Variants in PRUNE2 observed in about 807,000 individuals in gnomAD.
PRUNE2 encodes the protein prune homolog 2 with BCH domain.
A neutral mutation model predicts 252.0 loss-of-function variants in PRUNE2; 164 were observed. The ratio of observed to expected loss-of-function variants is 0.65; its 90% confidence interval spans 0.57 to 0.74. The LOEUF (loss-of-function observed/expected upper bound fraction) is 0.74. Ranked by LOEUF, PRUNE2 falls within the 30% of genes least tolerant of loss-of-function variation. PRUNE2 has a pLI of 0.00. For missense variants in PRUNE2, 3,495 were observed against 3,711.0 expected, an observed-to-expected ratio of 0.94 and a Z score of 1.51; for synonymous variants, 1,292 against 1,350.2, an observed-to-expected ratio of 0.96 and a Z score of 0.94.
At chr9:76,658,777 T>A (rs1850178330) in intron 9 of PRUNE2, among the ~76,000 whole-genome samples, 1 of 152,228 alleles carries the variant, frequency 6.6e-6, no homozygotes. Flanking sequence ...ATCTAGAGGA[T>A]GTATTAAAAC....
chr9:76,752,085 GT>G lies in PRUNE2; in HGVS notation c.757-38365del, dbSNP rs1228094533. Among the ~76,000 whole-genome samples, 7 of 73,332 alleles carry G rather than the reference GT, an allele frequency of 9.5e-5. No individual in the cohort carries two copies. The South Asian group carries it at 2.5e-3, about 26-fold the overall frequency. The allele number at this position is 73,332 out of a possible 152,430, so 48.1% of individuals were successfully genotyped here. A position where few individuals can be genotyped will look rare whatever the true frequency, so the allele number is the denominator to read the frequency against. ...TAGATCAACGACTGACTCAATTCCT[GT>G]TTTTTTTTTGGTTTTTTTTTTTTTT... On this transcript the variant is annotated intron_variant, in intron 6 of 18. Transcript: ENST00000376718.
At chr9:76,818,201 G>C (rs751611636) in intron 6 of PRUNE2, among the ~76,000 whole-genome samples, 1 of 152,010 alleles carries the variant, frequency 6.6e-6, no homozygotes, top group Non-Finnish European at 1.5e-5. Context: ...TACTCTACAG[G>C]TACTTTCATC....
At chr9:76,675,508 G>A (rs1375191361) in intron 9 of PRUNE2, among the ~76,000 whole-genome samples, 2 of 49,748 alleles carry the variant, frequency 4.0e-5, no homozygotes, top group Non-Finnish European at 1.1e-4. Flanking sequence ...TCAGTGTGGC[G>A]ATTCCTCAGG....
intron 6 of PRUNE2, among the ~76,000 whole-genome samples, chr9:76,745,527 T>C (rs988619699): frequency 2.1e-5 from 3 of 144,428 alleles, no homozygotes; most frequent in African/African-American, 8.2e-5. Context: ...CACTCATAAG[T>C]GACTCAGCAT....
intron 11 of PRUNE2, among the ~76,000 whole-genome samples, chr9:76,649,220 C>A (rs1264914662): frequency 6.6e-6 from 1 of 152,158 alleles, no homozygotes; most frequent in African/African-American, 2.4e-5. Context: ...ATGAGAATGA[C>A]CAATGCCACT....
At chr9:76,840,697 T>C (rs542369034) in intron 4 of PRUNE2, among the ~76,000 whole-genome samples, 1 of 152,294 alleles carries the variant, frequency 6.6e-6, no homozygotes. Flanking sequence ...AAATTTGTTC[T>C]AGGCTGGGAG....
At chr9:76,875,636 T>G (rs1342405813) in intron 1 of PRUNE2, among the ~76,000 whole-genome samples, 2 of 152,148 alleles carry the variant, frequency 1.3e-5, no homozygotes, top group Non-Finnish European at 1.5e-5. Context: ...AGTGCTGGGA[T>G]TACAACTGTG....
In PRUNE2 at chr9:76,719,097, T is replaced by C. The variant is rs114534632; in HGVS notation, c.757-5376A>G. ...GTCTCTCAGTAATGTAGTCTCCACA[T>C]AGCATCAAGGGGCAGCTTTATTTTA... On this transcript the variant is annotated intron_variant, in intron 6 of 18. Transcript: ENST00000376718. 5.8e-3 allele frequency among the ~76,000 whole-genome samples: 883 copies of C among 152,270 alleles called. 9 individuals carry two copies. The highest frequency in any genetic ancestry group is 0.02 in the African/African-American group (848 of 41,542).
intron 1 of PRUNE2, among the ~76,000 whole-genome samples, chr9:76,881,692 G>A (rs1713367295): frequency 6.6e-6 from 1 of 151,228 alleles, no homozygotes; most frequent in Admixed American, 6.6e-5. Context: ...CACGATCTTG[G>A]CTCACTGCAA....
Position 76,705,815 on chromosome 9 carries a change from A to G in PRUNE2, c.6459T>C (p.Phe2153=). The change falls in exon 8 of 19, where the codon TTT becomes TTC. Residue 2153 remains phenylalanine, a synonymous_variant. Transcript: ENST00000376718. The stretch of plus-strand genomic sequence containing the variant: ...AATCGAGTTCTGCATTGGATGGGAC[A>G]AACTCCCGTCCAGGCTCATAAATGG... ...EEPIYEPGRE[F]VPSNAELDSE... The G allele has an allele frequency of 6.2e-7, 1 of 1,613,718 alleles. No individual in the cohort carries two copies.
chr9:76,828,266 T>G (rs1346435508), intron 4 of PRUNE2, among the ~76,000 whole-genome samples: 1 of 152,162 alleles, frequency 6.6e-6, no homozygotes, highest in East Asian at 1.9e-4. Flanking sequence ...GCAAAGGCAC[T>G]GAGGTGGGAG....
intron 4 of PRUNE2, among the ~76,000 whole-genome samples, chr9:76,829,831 G>A (rs1286145166): frequency 2.6e-5 from 4 of 151,014 alleles, no homozygotes; most frequent in African/African-American, 9.7e-5. Flanking sequence ...AAATAATTTT[G>A]TCATCTTTAG....
chr9:76,797,544 ACATTCAC>A (rs1450380355), intron 6 of PRUNE2, among the ~76,000 whole-genome samples: 2 of 152,218 alleles, frequency 1.3e-5, no homozygotes, highest in Non-Finnish European at 2.9e-5. Context: ...TTTAGAAGTT[ACATTCAC>A]CAAGCCGTCT....
intron 4 of PRUNE2, among the ~76,000 whole-genome samples, chr9:76,838,865 C>T (rs1044846739): frequency 9.2e-5 from 14 of 152,064 alleles, no homozygotes; most frequent in African/African-American, 3.4e-4. Context: ...AGGGTGCTCG[C>T]TTTGTGATAA....
chr9:76,705,189 T>A lies in PRUNE2; in HGVS notation c.7085A>T (p.Asp2362Val). The A allele has an allele frequency of 6.2e-7, 1 of 1,614,050 alleles. No homozygotes were observed. The change falls in exon 8 of 19, where the codon GAT becomes GTT. Residue 2362 changes from aspartate to valine, a missense_variant. Coordinates refer to ENST00000376718, the MANE Select transcript of PRUNE2 (RefSeq NM_015225.3). The part of the protein sequence containing the change: ...FEYDVMGQNI[D>V]EDLLREPEHF... ...TTCAGGCTCTCTCAGTAAATCTTCATCGATATTCTGGCCCATTACATCATA... is the reference window on the plus strand; with the variant it reads ...TTCAGGCTCTCTCAGTAAATCTTCAACGATATTCTGGCCCATTACATCATA...
At chr9:76,865,605 C>T (rs1035822150) in intron 1 of PRUNE2, among the ~76,000 whole-genome samples, 6 of 152,060 alleles carry the variant, frequency 3.9e-5, no homozygotes, top group African/African-American at 1.5e-4. Context: ...ATGATAATAT[C>T]GGATATAATA....
intron 4 of PRUNE2, among the ~76,000 whole-genome samples, chr9:76,844,517 C>T (rs2059567409): frequency 6.6e-6 from 1 of 152,104 alleles, no homozygotes; most frequent in Non-Finnish European, 1.5e-5. Flanking sequence ...CTAAATTACC[C>T]GATCTCAGAT....
At chr9:76,641,951 C>G in intron 12 of PRUNE2, 1 of 1,513,248 alleles carries the variant, frequency 6.6e-7, no homozygotes, top group Non-Finnish European at 8.8e-7. Flanking sequence ...ATTTGTCCAG[C>G]AAGACTTCAG....
intron 6 of PRUNE2, among the ~76,000 whole-genome samples, chr9:76,722,504 G>T (rs927400011): frequency 1.3e-5 from 2 of 152,056 alleles, no homozygotes; most frequent in African/African-American, 4.8e-5. Flanking sequence ...ATTCTTTATA[G>T]CTAAAAAGAG....
Sources: gnomAD v4.1 joint callset for allele counts (sites outside exome capture counted in the v4.1 genomes callset) on GRCh38, gnomAD v4.1.1 for gene constraint, MANE v1.5 for transcripts, NCBI Gene and HGNC (gene_info 2026-07-23, HGNC 2026-07-21) for gene names.